Variants in CDC14A observed in about 807,000 individuals in gnomAD.
CDC14A encodes the protein dual specificity protein phosphatase CDC14A.
CDC14A carries 53 observed loss-of-function variants against 74.4 expected under a neutral mutation model. The observed-to-expected ratio is 0.71, with a 90% confidence interval of 0.57 to 0.89. The LOEUF is 0.89. Ranked by LOEUF, CDC14A falls within the 40% of genes least tolerant of loss-of-function variation. CDC14A has a pLI of 0.00. For synonymous variants in CDC14A, 247 were observed against 258.4 expected (o/e 0.96, Z 0.43); for missense variants, 646 against 713.7 (o/e 0.91, Z 1.08).
At chr1:100,382,211 C>CTTTTTT (rs557184435) in intron 3 of CDC14A, among the ~76,000 whole-genome samples, 14 of 105,124 alleles carry the variant, frequency 1.3e-4, no homozygotes, top group African/African-American at 2.4e-4. Flanking sequence ...TTCCTCTATT[C>CTTTTTT]TTTTTTTTTT....
intron 4 of CDC14A, among the ~76,000 whole-genome samples, chr1:100,397,770 T>G (rs1277629222): frequency 6.6e-6 from 1 of 152,224 alleles, no homozygotes; most frequent in Non-Finnish European, 1.5e-5. Context: ...TGTTAAGTCT[T>G]TGCATTGCTA....
At chr1:100,455,592 C>A in intron 8 of CDC14A, 100 bp downstream of exon 8, 1 of 722,308 alleles carries the variant, frequency 1.4e-6, no homozygotes. Flanking sequence ...TAATATTCTC[C>A]AAAGAATATT....
chr1:100,396,743 G>A (rs1658552889), intron 4 of CDC14A, among the ~76,000 whole-genome samples: 2 of 152,302 alleles, frequency 1.3e-5, no homozygotes, highest in South Asian at 4.1e-4. Context: ...CAGCTCAGTG[G>A]CATTAACTAC....
At chr1:100,369,505 A>G (rs1654129178) in intron 2 of CDC14A, among the ~76,000 whole-genome samples, 1 of 152,032 alleles carries the variant, frequency 6.6e-6, no homozygotes, top group Non-Finnish European at 1.5e-5. Context: ...ATCATTTTTC[A>G]TATGTTAGGT....
At chr1:100,442,816 A>C (rs1461613178) in intron 6 of CDC14A, 118 bp from the exon 7 acceptor site, 1 of 703,500 alleles carries the variant, frequency 1.4e-6, no homozygotes, top group Non-Finnish European at 2.5e-6. Context: ...TAAACATCAA[A>C]GGTTTCAAGC....
At chr1:100,393,199 T>G in intron 4 of CDC14A, 1 of 1,594,530 alleles carries the variant, frequency 6.3e-7, no homozygotes, top group South Asian at 1.1e-5. Flanking sequence ...GTGAGTTGCA[T>G]GTTCTTTCTC....
intron 4 of CDC14A, chr1:100,393,745 A>G (rs1571050154): frequency 2.8e-6 from 1 of 356,016 alleles, no homozygotes; most frequent in East Asian, 7.3e-5. Flanking sequence ...CACAAGGTCA[A>G]GAGACGGAGA....
At chr1:100,418,071 T>G (rs537859464) in intron 4 of CDC14A, among the ~76,000 whole-genome samples, 2 of 152,320 alleles carry the variant, frequency 1.3e-5, no homozygotes, top group South Asian at 4.1e-4. Context: ...TAATTCTCAG[T>G]GCTTTTCCTG....
chr1:100,459,126 C>CACACACACACACACACACACAGAG (rs1279905046), intron 8 of CDC14A, among the ~76,000 whole-genome samples: 1 of 144,576 alleles, frequency 6.9e-6, no homozygotes, highest in African/African-American at 2.6e-5. Context: ...CACACACACA[C>CACACACACACACACACACACAGAG]AGAGAGAGAG....
intron 8 of CDC14A, among the ~76,000 whole-genome samples, chr1:100,460,967 A>G (rs989413652): frequency 6.6e-6 from 1 of 152,246 alleles, no homozygotes; most frequent in Admixed American, 6.5e-5. Flanking sequence ...TAGAAGATGA[A>G]CAGGACCCAA....
chr1:100,418,094 G>A lies in CDC14A; in HGVS notation c.310-6128G>A, dbSNP rs115397336. Among the ~76,000 whole-genome samples the A allele has an allele frequency of 5.9e-3, 892 of 152,274 alleles. 16 individuals carry two copies. The highest frequency in any genetic ancestry group is 0.021 in the African/African-American group (865 of 41,552). ...AGTGCTTTTCCTGTAAAATGAAAAT[G>A]GGAATAATAATGGAACCTAACTCGG... is the stretch of plus-strand genomic sequence containing the variant. On this transcript the variant is annotated intron_variant, in intron 4 of 15. Transcript: ENST00000336454.
intron 10 of CDC14A, among the ~76,000 whole-genome samples, chr1:100,483,787 A>C (rs1462741390): frequency 6.6e-6 from 1 of 152,164 alleles, no homozygotes; most frequent in Non-Finnish European, 1.5e-5. Context: ...AGATTCTAAG[A>C]GTAGGTTTTT....
At chr1:100,376,860 T>C (rs565868401) in intron 2 of CDC14A, among the ~76,000 whole-genome samples, 34 of 152,304 alleles carry the variant, frequency 2.2e-4, no homozygotes, top group South Asian at 6.2e-4. Context: ...GAATCCAAAG[T>C]ACACAAGTAA....
chr1:100,456,559 C>G (rs1011730732), intron 8 of CDC14A, among the ~76,000 whole-genome samples: 1 of 151,252 alleles, frequency 6.6e-6, no homozygotes, highest in African/African-American at 2.4e-5. Flanking sequence ...AATCCCAGCA[C>G]TTTGGAAGGC....
intron 8 of CDC14A, among the ~76,000 whole-genome samples, chr1:100,458,661 C>G (rs969747680): frequency 6.6e-6 from 1 of 150,810 alleles, no homozygotes; most frequent in East Asian, 1.9e-4. Context: ...ATTAATAAAC[C>G]TGATCCAATT....
intron 5 of CDC14A, among the ~76,000 whole-genome samples, chr1:100,432,215 A>C (rs1440996594): frequency 1.3e-5 from 2 of 152,218 alleles, no homozygotes; most frequent in Admixed American, 6.5e-5. Flanking sequence ...ACTAATTCTC[A>C]ATACAGTTTC....
rs544581327 is a variant in CDC14A, at chr1:100,466,960, CTT to C, written c.839-986_839-985del. Among the ~76,000 whole-genome samples, 28 of 140,066 alleles carry C rather than the reference CTT, an allele frequency of 2.0e-4. 1 individual carries two copies. The highest frequency in any genetic ancestry group is 6.5e-4 in the African/African-American group (25 of 38,730). The allele number at this position is 140,066 out of a possible 152,430, so 91.9% of individuals were successfully genotyped here. ...ATTGTTGTTTTAGTGGGATGAAAAA[CTT>C]TTTTTTTTTGTATAAAGCACAGATT... On this transcript the variant is annotated intron_variant, in intron 9 of 15. Transcript: ENST00000336454.
intron 10 of CDC14A, among the ~76,000 whole-genome samples, chr1:100,480,081 A>G (rs2101335610): frequency 6.6e-6 from 1 of 152,326 alleles, no homozygotes; most frequent in African/African-American, 2.4e-5. Flanking sequence ...TGCAGCCATC[A>G]CCACTATTTC....
chr1:100,435,073 T>C (rs1664164093), intron 5 of CDC14A, among the ~76,000 whole-genome samples: 1 of 152,220 alleles, frequency 6.6e-6, no homozygotes, highest in South Asian at 2.1e-4. Context: ...TCTGTGGAAC[T>C]ATCCGGGTGA....
Sources: gnomAD v4.1 joint callset for allele counts (sites outside exome capture counted in the v4.1 genomes callset) on GRCh38, gnomAD v4.1.1 for gene constraint, MANE v1.5 for transcripts, NCBI Gene and HGNC (gene_info 2026-07-23, HGNC 2026-07-21) for gene names.